AGXT: variants seen among roughly 807,000 people sequenced by gnomAD.
AGXT encodes the protein alanine--glyoxylate aminotransferase.
A neutral mutation model predicts 46.9 loss-of-function variants in AGXT; 41 were observed. The ratio of observed to expected loss-of-function variants is 0.88; its 90% CI spans 0.68 to 1.14. The LOEUF (loss-of-function observed/expected upper bound fraction) is 1.14. Ranked by LOEUF, AGXT falls within the 50% of genes most tolerant of loss-of-function variation. The pLI, the probability that AGXT is intolerant of heterozygous loss-of-function variation, is 0.00. For synonymous variants in AGXT, 244 were observed against 227.9 expected (o/e 1.07, Z -0.64); for missense variants, 525 against 522.7 (o/e 1.00, Z -0.04).
chr2:240,879,208 T>G lies in AGXT; in HGVS notation c.*387T>G. 3.1e-6 allele frequency: 1 copy of G among 323,216 alleles called. No individual in the cohort carries two copies. The highest frequency in any genetic ancestry group is 2.9e-5 in the South Asian group (1 of 34,020). The allele number at this position is 323,216 out of a possible 1,614,324, so 20.0% of individuals were successfully genotyped here. Reference sequence around the variant, plus strand: ...GTGGACTTTAGGGGGACACTCCTCATCCTGGAGCCCACAGGGTAGATCCTC... The same window carrying G: ...GTGGACTTTAGGGGGACACTCCTCAGCCTGGAGCCCACAGGGTAGATCCTC... On this transcript the variant is annotated 3_prime_UTR_variant, in exon 11 of 11. Transcript: ENST00000307503.
rs867635349 is a variant in AGXT at position 240,876,772 on chromosome 2, G to A, written c.847-765G>A. ...TGTAAGCTAAATGCCACCCGCACCC[G>A]CGGGGGAAGGCGAGGGGTCAGGCGC... is the stretch of plus-strand genomic sequence containing the variant. On this transcript the variant is annotated intron_variant, in intron 8 of 10. Transcript: ENST00000307503. The A allele has an allele frequency of 2.1e-4, 34 of 160,486 alleles. No individual in the cohort carries two copies. The Middle Eastern group carries it at 0.02, about 93-fold the overall frequency. 9.9% of individuals were successfully genotyped at this position (160,486 alleles called of 1,614,324 possible).
intron 7 of AGXT, among the ~76,000 whole-genome samples, chr2:240,875,668 G>T (rs2059020790): frequency 6.6e-6 from 1 of 152,260 alleles, no homozygotes; most frequent in Non-Finnish European, 1.5e-5. Context: ...GGGACTGAGG[G>T]GCTCCGCAGG....
intron 5 of AGXT, chr2:240,873,510 G>T: frequency 3.9e-6 from 1 of 256,576 alleles, no homozygotes; most frequent in Non-Finnish European, 7.5e-6. Context: ...GAGGGGCCAA[G>T]GAGCCTCCTG....
Position 240,873,057 on chromosome 2 carries a change from T to A in AGXT, c.595+8T>A. ...TTTACATGGACCGGCAAGGTAAGGG[T>A]GGGCTCTGAGAGCCCTACCCAGCCC... On this transcript the variant is annotated splice_region_variant and intron_variant, in intron 5 of 10. Transcript: ENST00000307503. The A allele has an allele frequency of 6.2e-7, 1 of 1,613,024 alleles. No homozygotes were observed. Among genetic ancestry groups the A allele is most frequent in the Non-Finnish European group, 8.5e-7 (1 of 1,179,562 alleles).
At chr2:240,873,135 G>T in intron 5 of AGXT, 86 bp downstream of exon 5, 1 of 1,206,778 alleles carries the variant, frequency 8.3e-7, no homozygotes. Flanking sequence ...CGTGCGTCCA[G>T]CAGCCGATGC....
At chr2:240,878,496 C>G (rs532361130) in intron 10 of AGXT, among the ~76,000 whole-genome samples, 25 of 152,350 alleles carry the variant, frequency 1.6e-4, no homozygotes, top group South Asian at 4.1e-4. Flanking sequence ...CCACCCTGTC[C>G]TCCCGTGTGG....
chr2:240,875,366 C>T (rs751453341), intron 7 of AGXT, among the ~76,000 whole-genome samples, 162 bp downstream of exon 7: 6 of 152,186 alleles, frequency 3.9e-5, no homozygotes, highest in Admixed American at 6.5e-5. Context: ...CAGTCAAATG[C>T]CCCACCCTGG....
At chr2:240,871,310 C>T in intron 3 of AGXT, 39 bp from the exon 4 acceptor site, 1 of 1,529,734 alleles carries the variant, frequency 6.5e-7, no homozygotes, top group Non-Finnish European at 8.9e-7. Flanking sequence ...TGGCCCCTGC[C>T]CCTCTGAGCT....
chr2:240,871,177 T>C, intron 3 of AGXT, 172 bp from the exon 4 acceptor site: 1 of 659,044 alleles, frequency 1.5e-6, no homozygotes, highest in Non-Finnish European at 2.7e-6. Flanking sequence ...GGAAAAGCCC[T>C]TGTCCCGGAG....
chr2:240,875,186 G>A lies in AGXT; in HGVS notation c.758G>A (p.Cys253Tyr), dbSNP rs773960979. Residue 253 changes from cysteine to tyrosine, a missense_variant, in exon 7 of 11, where the codon TGT (cysteine) becomes TAT (tyrosine). By Grantham distance (194) the Cys-to-Tyr change is radical. Coordinates refer to ENST00000307503, the MANE Select transcript of AGXT (RefSeq NM_000030.3). ...AAGTGGCTGGCCAACTTCTGGGGCT[G>A]TGACGACCAGCCCAGGATGTGAGGC... ...DIKWLANFWG[C>Y]DDQPRMYHHT... 4.3e-6 allele frequency: 7 copies of A among 1,613,444 alleles called. No individual in the cohort carries two copies. Among genetic ancestry groups the A allele is most frequent in the South Asian group, 1.1e-5 (1 of 91,070 alleles).
rs550182727 is a variant in AGXT at position 240,876,064 on chromosome 2, G to A, written c.846+60G>A. On this transcript the variant is annotated intron_variant, in intron 8 of 10. Coordinates refer to ENST00000307503, the MANE Select transcript of AGXT (RefSeq NM_000030.3). ...CCACTGGCTGGATTGTCGAGGGCGC[G>A]GCCTGCAGAGAAGGAACCATCCCTG... The A allele has an allele frequency of 4.3e-4, 670 of 1,562,142 alleles. 5 individuals carry two copies. The South Asian group carries it at 6.6e-3, about 15-fold the overall frequency.
At position 240,878,021 on chromosome 2, in the gene AGXT, G is replaced by A. The variant is rs180177298; in HGVS notation, c.943-1G>A. 6.2e-7 allele frequency: 1 copy of A among 1,611,212 alleles called. No individual in the cohort carries two copies. Among genetic ancestry groups the A allele is most frequent in the Non-Finnish European group, 8.5e-7 (1 of 1,179,996 alleles). ...CGCACTGAGCCAGGCCCCTCCTGCA[G>A]GCGCTCCGGCTTCCCACAGTCACCA... On this transcript the variant is annotated splice_acceptor_variant, in intron 9 of 10. Transcript: ENST00000307503. LOFTEE classifies it high-confidence loss of function.
At chr2:240,870,772 G>A (rs1480103827) in intron 3 of AGXT, 64 bp downstream of exon 3, 14 of 1,495,274 alleles carry the variant, frequency 9.4e-6, no homozygotes, top group Non-Finnish European at 1.2e-5. Context: ...TGGCTCAGGG[G>A]CTGCCTGGAA....
chr2:240,870,587 AC>A (rs1559568494), intron 2 of AGXT, 56 bp from the exon 3 acceptor site: 3 of 1,544,516 alleles, frequency 1.9e-6, no homozygotes, highest in Non-Finnish European at 1.7e-6. Context: ...CGGGTGCCCA[AC>A]ACTGGCTTCT....
intron 6 of AGXT, 64 bp from the exon 7 acceptor site, chr2:240,875,045 G>A (rs1019940733): frequency 4.2e-6 from 6 of 1,420,258 alleles, no homozygotes; most frequent in Admixed American, 1.7e-5. Flanking sequence ...GACAGCCAGC[G>A]AGACTGCCCT....
chr2:240,879,184 T>G lies in AGXT; in HGVS notation c.*363T>G, dbSNP rs1318184349. 2 of 368,620 alleles carry G rather than the reference T, an allele frequency of 5.4e-6. No individual in the cohort carries two copies. Among genetic ancestry groups the G allele is most frequent in the East Asian group, 6.4e-5 (1 of 15,560 alleles). The allele number at this position is 368,620 out of a possible 1,614,324, so 22.8% of individuals were successfully genotyped here. ...CTCTGCTCCCTGAGCTGCCTGATTG[T>G]GGACTTTAGGGGGACACTCCTCATC... On this transcript the variant is annotated 3_prime_UTR_variant, in exon 11 of 11. Transcript: ENST00000307503.
intron 8 of AGXT, among the ~76,000 whole-genome samples, chr2:240,876,683 G>A (rs1022641964): frequency 5.9e-5 from 9 of 152,260 alleles, no homozygotes; most frequent in Admixed American, 5.2e-4. Context: ...TGCCTGCCAC[G>A]TTTGTCCTCC....
At chr2:240,877,734 G>A (rs549010864) in intron 9 of AGXT, 102 bp downstream of exon 9, 1 of 1,338,634 alleles carries the variant, frequency 7.5e-7, no homozygotes, top group East Asian at 2.5e-5. Context: ...GAGAAGGAGG[G>A]GGCGGCTGCC....
chr2:240,877,928 A>T lies in AGXT; in HGVS notation c.943-94A>T, dbSNP rs1224422198. The T allele has an allele frequency of 1.9e-6, 3 of 1,549,250 alleles. No individual in the cohort carries two copies. The African/African-American group carries it at 4.1e-5, about 21-fold the overall frequency. On this transcript the variant is annotated intron_variant, in intron 9 of 10. Transcript: ENST00000307503. ...CCCTTTCTCCCCCGGCTCCTCTGGAACCTGAAGCTGGGGCAGATGGTGCAG... is the reference window on the plus strand; with the variant it reads ...CCCTTTCTCCCCCGGCTCCTCTGGATCCTGAAGCTGGGGCAGATGGTGCAG...
Sources: allele counts gnomAD v4.1 joint callset (sites outside exome capture counted in the v4.1 genomes callset), GRCh38; gene constraint gnomAD v4.1.1; transcripts MANE v1.5; gene names NCBI Gene and HGNC (gene_info 2026-07-23, HGNC 2026-07-21).